CDC42BPA: variants seen among roughly 807,000 people sequenced by gnomAD.
CDC42BPA encodes the protein serine/threonine-protein kinase MRCK alpha.
CDC42BPA carries 80 observed loss-of-function variants against 223.5 expected under a neutral mutation model. The observed-to-expected ratio is 0.36, with a 90% CI of 0.30 to 0.43. CDC42BPA has a LOEUF of 0.43. CDC42BPA is among the 20% of genes least tolerant of loss of function. The pLI, the probability that CDC42BPA is intolerant of heterozygous loss-of-function variation, is 1.00. For missense variants in CDC42BPA, 1,743 were observed against 2,099.9 expected (o/e 0.83, Z 3.32); for synonymous variants, 694 against 718.6 (o/e 0.97, Z 0.55).
intron 9 of CDC42BPA, among the ~76,000 whole-genome samples, chr1:227,139,985 AT>A (rs1558592185): frequency 6.6e-6 from 1 of 152,182 alleles, no homozygotes; most frequent in Non-Finnish European, 1.5e-5. Context: ...AAAACCTAAA[AT>A]CCCCCAAATT....
chr1:226,994,207 G>C lies in CDC42BPA; in HGVS notation c.*61C>G, dbSNP rs1661105457. On this transcript the variant is annotated 3_prime_UTR_variant, in exon 37 of 37. Coordinates refer to ENST00000366766, the MANE Select transcript of CDC42BPA (RefSeq NM_001394014.1). This position sits in a 1 kb window ranked among gnomAD's most constrained non-coding sequence, Gnocchi z 4.0. ...AGCAGGCGAGGTGGAGGGAAGAGAT[G>C]AAAGTGAGAGGAGGCGAGTGGCAGG... is the stretch of plus-strand genomic sequence containing the variant. 1.3e-6 allele frequency: 2 copies of C among 1,512,752 alleles called. No individual in the cohort carries two copies. The highest frequency in any genetic ancestry group is 1.2e-5 in the South Asian group (1 of 82,330). 93.7% of individuals were successfully genotyped at this position (1,512,752 alleles called of 1,614,324 possible). A position where few individuals can be genotyped will look rare whatever the true frequency, so the allele number is the denominator to read the frequency against.
intron 33 of CDC42BPA, 122 bp downstream of exon 33, chr1:227,016,805 C>T: frequency 3.2e-6 from 3 of 933,324 alleles, no homozygotes; most frequent in South Asian, 2.5e-5. Context: ...CAGTTTTTGA[C>T]ACCACAGATC....
intron 30 of CDC42BPA, among the ~76,000 whole-genome samples, chr1:227,027,246 T>G (rs916370156): frequency 8.5e-5 from 13 of 152,190 alleles, no homozygotes; most frequent in Non-Finnish European, 1.5e-4. Flanking sequence ...AAAAAAAGTC[T>G]GGATGGGTAG....
intron 14 of CDC42BPA, among the ~76,000 whole-genome samples, chr1:227,111,255 GAA>G (rs1391200230): frequency 6.6e-6 from 1 of 151,972 alleles, no homozygotes; most frequent in Non-Finnish European, 1.5e-5. Context: ...AAACAGGATG[GAA>G]AAAGTTTCCA....
In CDC42BPA at chr1:227,283,845, C is replaced by T. The variant is rs1482860087; in HGVS notation, c.179-29690G>A. Among the ~76,000 whole-genome samples the T allele has an allele frequency of 2.6e-5, 4 of 152,172 alleles. No individual in the cohort carries two copies. In the East Asian group the frequency reaches 5.8e-4, roughly 22 times the overall value. Reference sequence around the variant, plus strand: ...CAGCACTTTGGGAGGCCAGGGCAGGCAGTTCACTTGAGGCCAGGAGTTTGA... The same window carrying T: ...CAGCACTTTGGGAGGCCAGGGCAGGTAGTTCACTTGAGGCCAGGAGTTTGA... On this transcript the variant is annotated intron_variant, in intron 1 of 36. Coordinates refer to ENST00000366766, the MANE Select transcript of CDC42BPA (RefSeq NM_001394014.1).
chr1:227,230,812 C>CTTTTTTTTTTTTTTTTTTTTTTT (rs1309498246), intron 2 of CDC42BPA, among the ~76,000 whole-genome samples: 1 of 111,758 alleles, frequency 8.9e-6, no homozygotes, highest in Non-Finnish European at 1.9e-5. Flanking sequence ...TTTCTTTTTT[C>CTTTTTTTTTTTTTTTTTTTTTTT]TTTCTTTCTT....
intron 34 of CDC42BPA, among the ~76,000 whole-genome samples, chr1:227,012,961 T>C (rs1374352532): frequency 6.6e-6 from 1 of 152,032 alleles, no homozygotes; most frequent in Non-Finnish European, 1.5e-5. Flanking sequence ...TGGATGCCTA[T>C]AAAAAAGCCC....
chr1:227,222,477 G>T (rs907035038), intron 2 of CDC42BPA, among the ~76,000 whole-genome samples: 4 of 151,932 alleles, frequency 2.6e-5, no homozygotes, highest in African/African-American at 9.7e-5. Flanking sequence ...CCAGCCTGGG[G>T]GACACAGCGA....
intron 24 of CDC42BPA, among the ~76,000 whole-genome samples, chr1:227,036,800 A>G (rs769789771): frequency 2.6e-5 from 4 of 152,148 alleles, no homozygotes; most frequent in Admixed American, 6.5e-5. Flanking sequence ...GGGCAGTGGA[A>G]GCAACAAAAT....
rs549195614 is a variant in CDC42BPA, at chr1:227,259,894, T to C, written c.179-5739A>G. ...TGTACTCTAGTTTTAAAAGTACTTC[T>C]TGGCAAAACAAAAACAAAAACAAAA... is the stretch of plus-strand genomic sequence containing the variant. On this transcript the variant is annotated intron_variant, in intron 1 of 36. Transcript: ENST00000366766. Among the ~76,000 whole-genome samples the C allele has an allele frequency of 2.0e-5, 3 of 151,086 alleles. 1 individual carries two copies. Among genetic ancestry groups the C allele is most frequent in the African/African-American group, 7.4e-5 (3 of 40,414 alleles).
intron 3 of CDC42BPA, among the ~76,000 whole-genome samples, chr1:227,204,147 C>G (rs1672270912): frequency 6.6e-6 from 1 of 152,114 alleles, no homozygotes; most frequent in African/African-American, 2.4e-5. Context: ...CAACATTTTT[C>G]ATTTTTAAAA....
chr1:227,160,898 CT>C (rs1383768776), intron 5 of CDC42BPA, among the ~76,000 whole-genome samples: 1 of 152,082 alleles, frequency 6.6e-6, no homozygotes, highest in East Asian at 1.9e-4. Context: ...ACTATCTTTC[CT>C]TTTGATTTAC....
At chr1:227,014,153 T>A (rs2148471765) in intron 34 of CDC42BPA, among the ~76,000 whole-genome samples, 1 of 152,020 alleles carries the variant, frequency 6.6e-6, no homozygotes. Flanking sequence ...GAGAGAAATC[T>A]GAGATCTCAC....
chr1:227,248,066 G>A (rs1425771779), intron 2 of CDC42BPA, among the ~76,000 whole-genome samples: 8 of 151,788 alleles, frequency 5.3e-5, no homozygotes, highest in Middle Eastern at 3.2e-3. Context: ...ACAAAAGAAT[G>A]AAAAAGAATG....
At chr1:227,273,995 C>CAG (rs1223295608) in intron 1 of CDC42BPA, among the ~76,000 whole-genome samples, 1 of 57,002 alleles carries the variant, frequency 1.8e-5, no homozygotes, top group Non-Finnish European at 3.2e-5. Flanking sequence ...TCGTATACAC[C>CAG]AAAAAAAAAA....
Position 227,133,892 on chromosome 1 carries a change from A to C in CDC42BPA, c.1391-4661T>G, listed in dbSNP as rs368126623. On this transcript the variant is annotated intron_variant, in intron 10 of 36. Coordinates refer to ENST00000366766, the MANE Select transcript of CDC42BPA (RefSeq NM_001394014.1). Reference sequence around the variant, plus strand: ...TTTGTTCACTTGTTTATCTGCTGACATTCCCTCCACTATTGTCCTATGACC... The same window carrying C: ...TTTGTTCACTTGTTTATCTGCTGACCTTCCCTCCACTATTGTCCTATGACC... Among the ~76,000 whole-genome samples, 1,514 of 151,764 alleles carry C rather than the reference A, an allele frequency of 1.0e-2. 16 individuals carry two copies. Among genetic ancestry groups the C allele is most frequent in the African/African-American group, 0.024 (974 of 41,384 alleles).
intron 5 of CDC42BPA, among the ~76,000 whole-genome samples, chr1:227,191,351 AAAGAG>A (rs1368151026): frequency 2.6e-5 from 4 of 152,024 alleles, no homozygotes; most frequent in Admixed American, 6.5e-5. Flanking sequence ...GTCTCAAAAA[AAAGAG>A]AAGAGAAGAA....
Position 227,216,156 on chromosome 1 carries a change from T to C in CDC42BPA, c.271-2937A>G, listed in dbSNP as rs139557829. Among the ~76,000 whole-genome samples the C allele has an allele frequency of 3.5e-4, 54 of 152,290 alleles. No homozygotes were observed. In the East Asian group the frequency reaches 6.4e-3, roughly 18 times the overall value. On this transcript the variant is annotated intron_variant, in intron 2 of 36. Coordinates refer to ENST00000366766, the MANE Select transcript of CDC42BPA (RefSeq NM_001394014.1). The stretch of plus-strand genomic sequence containing the variant: ...TATACACACACACACACATAAAATA[T>C]GTACCATAAATTTCTATGCTTTATC...
At chr1:227,030,350 G>A in intron 29 of CDC42BPA, 58 bp downstream of exon 29, 2 of 993,078 alleles carry the variant, frequency 2.0e-6, no homozygotes, top group Non-Finnish European at 2.9e-6. Context: ...AGAATCTACA[G>A]TTTAAATTTT....
Sources: allele counts gnomAD v4.1 joint callset (sites outside exome capture counted in the v4.1 genomes callset), GRCh38; gene constraint gnomAD v4.1.1; non-coding constraint Gnocchi (gnomAD v3.1); transcripts MANE v1.5; gene names NCBI Gene and HGNC (gene_info 2026-07-23, HGNC 2026-07-21).